RIF1: variants seen among roughly 807,000 people sequenced by gnomAD.
RIF1 encodes replication timing regulatory factor 1.
Under a neutral mutation model 247.1 loss-of-function variants are expected in RIF1, and 45 were observed. The ratio of observed to expected loss-of-function variants is 0.18; its 90% CI spans 0.14 to 0.23. The LOEUF (loss-of-function observed/expected upper bound fraction) is 0.23. Ranked by LOEUF, RIF1 falls within the 10% of genes least tolerant of loss-of-function variation. The probability of loss-of-function intolerance (pLI) is 1.00; values close to 1 mark genes in which losing one functional copy is unlikely to be tolerated. For missense variants in RIF1, 2,967 were observed against 2,862.5 expected (o/e 1.04, Z -0.83); for synonymous variants, 1,087 against 978.8 (o/e 1.11, Z -2.06).
chr2:151,494,748 A>G (rs930725204), intron 9 of RIF1, among the ~76,000 whole-genome samples: 2 of 152,156 alleles, frequency 1.3e-5, no homozygotes, highest in African/African-American at 4.8e-5. Flanking sequence ...TCCCGGGTTC[A>G]AGTGATTCTT....
At chr2:151,514,242 C>T in the RIF1 span, 3 of 1,030,742 alleles carry the variant, frequency 2.9e-6, no homozygotes, top group Admixed American at 2.0e-5. Context: ...TTTTGTTTTG[C>T]TTTTTCTGGT....
intron 12 of RIF1, 46 bp from the exon 13 acceptor site, chr2:151,437,195 A>G (rs1691388848): frequency 1.4e-6 from 2 of 1,453,784 alleles, no homozygotes; most frequent in Non-Finnish European, 1.9e-6. Flanking sequence ...AATGTATTTC[A>G]TAAATCTGTT....
Position 151,502,960 on chromosome 2 carries a change from AG to A in RIF1, c.*710-70del, listed in dbSNP as rs1462354558. The A allele has an allele frequency of 3.4e-6, 3 of 879,828 alleles. No individual in the cohort carries two copies. In the African/African-American group the frequency reaches 5.1e-5, roughly 15 times the overall value. 54.5% of individuals were successfully genotyped at this position (879,828 alleles called of 1,614,324 possible). ...AGTAAGGAAGGAAGGAAATGGGGGA[AG>A]GGGTTATATGTGAGGAGGCAGTTTT... is the stretch of plus-strand genomic sequence containing the variant. On this transcript the variant is annotated intron_variant and NMD_transcript_variant, in intron 11 of 13. Coordinates refer to the RIF1 transcript ENST00000454583.
downstream of RIF1, among the ~76,000 whole-genome samples, chr2:151,483,533 C>T (rs2049262465): frequency 6.6e-6 from 1 of 152,172 alleles, no homozygotes. Context: ...GGATTATTCT[C>T]TACTTTTATA....
intron 7 of RIF1, among the ~76,000 whole-genome samples, chr2:151,420,637 T>C (rs1211003226): frequency 6.0e-5 from 9 of 149,948 alleles, no homozygotes; most frequent in Non-Finnish European, 1.3e-4. Context: ...CTTGGGAGAC[T>C]AAGGCGGGAG....
At chr2:151,526,075 G>GA in the RIF1 span, 1 of 1,612,934 alleles carries the variant, frequency 6.2e-7, no homozygotes, top group Non-Finnish European at 8.5e-7. Context: ...TGTTCTGGGG[G>GA]AATCCATAGA....
At chr2:151,445,990 A>G (rs1693198432) in intron 19 of RIF1, among the ~76,000 whole-genome samples, 1 of 152,126 alleles carries the variant, frequency 6.6e-6, no homozygotes, top group Non-Finnish European at 1.5e-5. Flanking sequence ...ATGTGGGGGA[A>G]AGGTTATTAC....
At chr2:151,493,661 G>C in intron 9 of RIF1, 1 of 919,482 alleles carries the variant, frequency 1.1e-6, no homozygotes, top group East Asian at 2.7e-5. Context: ...GGACAAGGAA[G>C]AATTTTTAAA....
chr2:151,514,295 C>T, the RIF1 span: 469 of 1,483,922 alleles, frequency 3.2e-4, 1 homozygote, highest in South Asian at 5.0e-3. Flanking sequence ...GAATTACGTG[C>T]AGGCAGTCAG....
chr2:151,465,002 C>G lies in RIF1; in HGVS notation c.5482C>G (p.Pro1828Ala), dbSNP rs61748234. 6.3e-7 allele frequency: 1 copy of G among 1,577,110 alleles called. No individual in the cohort carries two copies. The highest frequency in any genetic ancestry group is 1.2e-5 in the South Asian group (1 of 83,510). ...AGAAAACACTATGCAAGAATCTCTT[C>G]CTTCTGGAATAGTAAACTTTAGAGA... ...SKENTMQESLPSGIVNFREEI... is the reference protein window; with the variant it reads ...SKENTMQESLASGIVNFREEI... The change falls in exon 30 of 36, where the codon CCT (proline) becomes GCT (alanine). Residue 1828 changes from proline to alanine, a missense_variant. By Grantham distance (27) the Pro-to-Ala change is conservative (BLOSUM62 -1). Transcript: ENST00000444746.
intron 8 of RIF1, among the ~76,000 whole-genome samples, chr2:151,428,178 A>G (rs891294725): frequency 6.6e-6 from 1 of 152,224 alleles, no homozygotes; most frequent in Non-Finnish European, 1.5e-5. Flanking sequence ...GCAGTGAGCC[A>G]AAATGGCACC....
chr2:151,508,174 A>G (rs1401396173), downstream of RIF1: 12 of 1,106,312 alleles, frequency 1.1e-5, no homozygotes, highest in Non-Finnish European at 1.6e-5. Flanking sequence ...ATGGGACCTA[A>G]AATAGGCTAT....
At chr2:151,529,772 C>T in the RIF1 span, among the ~76,000 whole-genome samples, 2 of 152,080 alleles carry the variant, frequency 1.3e-5, no homozygotes, top group African/African-American at 2.4e-5. Flanking sequence ...CAGGTGATCC[C>T]GCCCACCTCA....
chr2:151,527,427 G>A, the RIF1 span: 3 of 1,230,906 alleles, frequency 2.4e-6, no homozygotes, highest in South Asian at 2.6e-5. Context: ...ATTATTCATT[G>A]TATTTCTCAG....
intron 10 of RIF1, chr2:151,496,330 T>TA: frequency 6.2e-7 from 1 of 1,611,880 alleles, no homozygotes; most frequent in Non-Finnish European, 8.5e-7. Context: ...GAGTGACAGC[T>TA]AAAGGAGTTC....
intron 14 of RIF1, 31 bp from the exon 15 acceptor site, chr2:151,439,993 AAAG>A (rs746509700): frequency 4.5e-5 from 40 of 881,064 alleles, no homozygotes; most frequent in South Asian, 1.9e-4. Flanking sequence ...AAAAAAAAAA[AAAG>A]AACTATACCC....
At chr2:151,451,160 C>G (rs564568502) in intron 20 of RIF1, among the ~76,000 whole-genome samples, 1 of 152,186 alleles carries the variant, frequency 6.6e-6, no homozygotes, top group South Asian at 2.1e-4. Context: ...AACAACAGAC[C>G]GCAAATCTAG....
rs770672990 is a variant in RIF1 at position 151,464,264 on chromosome 2, A to T, written c.4744A>T (p.Ile1582Phe). The change falls in exon 30 of 36, where the codon ATT (isoleucine) becomes TTT (phenylalanine). Residue 1582 changes from isoleucine (I) to phenylalanine (F), a missense_variant. By Grantham distance (21) the Ile-to-Phe change is conservative. Coordinates refer to ENST00000444746, the MANE Select transcript of RIF1 (RefSeq NM_018151.5). ...AAACAAAAGCAATGAAAGTGTTGAC[A>T]TTCAAGATCAAGAAGAGAAAGTGGT... ...WKNKSNESVD[I>F]QDQEEKVVKQ... 3.7e-6 allele frequency: 6 copies of T among 1,613,870 alleles called. No individual in the cohort carries two copies. In the African/African-American group the frequency reaches 6.7e-5, roughly 18 times the overall value.
the RIF1 span, among the ~76,000 whole-genome samples, chr2:151,521,288 AAAAAT>A: frequency 6.6e-6 from 1 of 152,238 alleles, no homozygotes; most frequent in Non-Finnish European, 1.5e-5. Flanking sequence ...AATGCAGAGA[AAAAAT>A]AAGCATGCAG....
Sources: allele counts gnomAD v4.1 joint callset (sites outside exome capture counted in the v4.1 genomes callset), GRCh38; gene constraint gnomAD v4.1.1; transcripts MANE v1.5; gene names NCBI Gene and HGNC (gene_info 2026-07-23, HGNC 2026-07-21).